Variants in LRRTM4 observed in about 807,000 individuals in gnomAD.
The protein encoded by LRRTM4 is leucine rich repeat transmembrane neuronal 4, also known as leucine-rich repeat transmembrane neuronal protein 4.
Under a neutral mutation model 47.6 loss-of-function variants are expected in LRRTM4, and 25 were observed. That is an observed-to-expected ratio of 0.53 (90% CI 0.38 to 0.73). The LOEUF is 0.73. Ranked by LOEUF, LRRTM4 falls within the 30% of genes least tolerant of loss-of-function variation. The pLI is 0.00. For synonymous variants in LRRTM4, 311 were observed against 269.5 expected (o/e 1.15, Z -1.51); for missense variants, 638 against 713.4 (o/e 0.89, Z 1.20).
intron 3 of LRRTM4, among the ~76,000 whole-genome samples, chr2:76,925,448 C>T (rs952114837): frequency 1.3e-5 from 2 of 152,114 alleles, no homozygotes; most frequent in East Asian, 1.9e-4. Context: ...TCCATTTAAG[C>T]TCTGTCTGGC....
rs554091635 is a variant in LRRTM4, at chr2:76,953,475, C to T, written c.1552-204559G>A. ...CTCACAATTGGTAGGAAAACACACG[C>T]GCACACACACACATTACGTTCTCTT... On this transcript the variant is annotated intron_variant, in intron 3 of 3. Transcript: ENST00000409884. 5.3e-5 allele frequency among the ~76,000 whole-genome samples: 8 copies of T among 151,946 alleles called. No homozygotes were observed. The South Asian group carries it at 1.5e-3, about 28-fold the overall frequency.
intron 3 of LRRTM4, among the ~76,000 whole-genome samples, chr2:76,767,526 G>A (rs142943042): frequency 2.6e-4 from 39 of 152,190 alleles, no homozygotes; most frequent in African/African-American, 8.4e-4. Flanking sequence ...ATACTATCTC[G>A]TGTAGATACT....
At position 76,856,336 on chromosome 2, in the gene LRRTM4, T is replaced by C. The variant is rs557120673; in HGVS notation, c.1552-107420A>G. On this transcript the variant is annotated intron_variant, in intron 3 of 3. Transcript: ENST00000409884. ...AAATTTTGAAAAAAGAAGGGTATTT[T>C]TATCAGTTATATATTTTTAGTTAAT... Among the ~76,000 whole-genome samples the C allele has an allele frequency of 3.3e-5, 5 of 152,256 alleles. No homozygotes were observed. In the East Asian group the frequency reaches 9.6e-4, roughly 29 times the overall value.
At chr2:77,388,359 G>A (rs965677112) in intron 3 of LRRTM4, among the ~76,000 whole-genome samples, 11 of 151,918 alleles carry the variant, frequency 7.2e-5, no homozygotes, top group African/African-American at 2.2e-4. Context: ...ATTTCTCTAC[G>A]GCAGACATTC....
intron 3 of LRRTM4, chr2:77,517,263 TAAAAAC>T (rs1366841580): frequency 8.1e-6 from 8 of 983,642 alleles, no homozygotes; most frequent in Non-Finnish European, 9.7e-6. Context: ...TTTATTCTTA[TAAAAAC>T]AAAAATAATA....
chr2:77,199,872 T>C (rs1429573317), intron 3 of LRRTM4, among the ~76,000 whole-genome samples: 2 of 152,076 alleles, frequency 1.3e-5, no homozygotes, highest in Non-Finnish European at 2.9e-5. Context: ...AAGAGAAAGT[T>C]AGAAATCAAA....
chr2:77,423,184 C>T (rs547397321), intron 3 of LRRTM4, among the ~76,000 whole-genome samples: 9 of 152,094 alleles, frequency 5.9e-5, no homozygotes, highest in Admixed American at 2.6e-4. Context: ...TACTTTTCAT[C>T]GCCTACTTAC....
At chr2:77,521,624 G>C in intron 2 of LRRTM4, 44 bp downstream of exon 2, 1 of 1,611,194 alleles carries the variant, frequency 6.2e-7, no homozygotes, top group Non-Finnish European at 8.5e-7. Context: ...AGGAAGCCAA[G>C]AGGATCAGCT....
intron 3 of LRRTM4, among the ~76,000 whole-genome samples, chr2:77,460,727 A>G (rs1676756718): frequency 6.6e-6 from 1 of 152,150 alleles, no homozygotes; most frequent in Admixed American, 6.6e-5. Flanking sequence ...CAGATAATTC[A>G]TTTTGCATGT....
intron 3 of LRRTM4, among the ~76,000 whole-genome samples, chr2:77,161,951 C>T (rs1002426107): frequency 6.6e-6 from 1 of 152,170 alleles, no homozygotes; most frequent in African/African-American, 2.4e-5. Flanking sequence ...CTACAGCTCC[C>T]AGCGTGAGCA....
intron 3 of LRRTM4, among the ~76,000 whole-genome samples, chr2:77,074,844 AT>A (rs1298045790): frequency 3.3e-5 from 5 of 152,214 alleles, no homozygotes; most frequent in Non-Finnish European, 7.3e-5. Context: ...AATTAGTCAA[AT>A]AAAATTCTAT....
chr2:77,035,779 G>A (rs1391590838), intron 3 of LRRTM4, among the ~76,000 whole-genome samples: 2 of 151,746 alleles, frequency 1.3e-5, no homozygotes, highest in East Asian at 3.9e-4. Context: ...TAATTTACCT[G>A]TTGGAGAGCA....
At chr2:77,483,300 C>T (rs67656660) in intron 3 of LRRTM4, among the ~76,000 whole-genome samples, 86,757 of 151,828 alleles carry the variant, frequency 0.57, 25,255 homozygotes, top group Middle Eastern at 0.66. Context: ...ATCTGGAAGA[C>T]AACCAAGTTT....
intron 3 of LRRTM4, among the ~76,000 whole-genome samples, chr2:77,429,339 T>C (rs1675257676): frequency 6.6e-6 from 1 of 152,090 alleles, no homozygotes. Flanking sequence ...AAAAGCAATC[T>C]CACTACTTAA....
At chr2:76,821,360 T>C (rs974483208) in intron 3 of LRRTM4, among the ~76,000 whole-genome samples, 3 of 151,800 alleles carry the variant, frequency 2.0e-5, no homozygotes, top group South Asian at 4.1e-4. Flanking sequence ...GGAATTAAAA[T>C]AGAAGAAAGA....
chr2:77,247,356 G>T (rs1451962189), intron 3 of LRRTM4, among the ~76,000 whole-genome samples: 1 of 152,098 alleles, frequency 6.6e-6, no homozygotes, highest in East Asian at 1.9e-4. Context: ...TAGGTGAATT[G>T]AAGGATCACA....
At chr2:77,312,088 G>A (rs953738895) in intron 3 of LRRTM4, among the ~76,000 whole-genome samples, 2 of 151,964 alleles carry the variant, frequency 1.3e-5, no homozygotes, top group African/African-American at 4.8e-5. Flanking sequence ...CCCATAAACT[G>A]TTGAAACATG....
At chr2:77,476,717 T>G (rs2104004010) in intron 3 of LRRTM4, among the ~76,000 whole-genome samples, 1 of 152,234 alleles carries the variant, frequency 6.6e-6, no homozygotes, top group Non-Finnish European at 1.5e-5. Flanking sequence ...AAATGTTATT[T>G]ATAGTAATGG....
At chr2:77,352,669 C>T (rs1229382552) in intron 3 of LRRTM4, among the ~76,000 whole-genome samples, 1 of 152,076 alleles carries the variant, frequency 6.6e-6, no homozygotes, top group Non-Finnish European at 1.5e-5. Flanking sequence ...AGCCACACAA[C>T]AATTTCATTT....
Sources: gnomAD v4.1 joint callset for allele counts (sites outside exome capture counted in the v4.1 genomes callset) on GRCh38, gnomAD v4.1.1 for gene constraint, MANE v1.5 for transcripts, NCBI Gene and HGNC (gene_info 2026-07-23, HGNC 2026-07-21) for gene names.